Variants in RANBP2 observed in about 807,000 individuals in gnomAD.
The protein encoded by RANBP2 is E3 SUMO-protein ligase RanBP2.
RANBP2 carries 57 observed loss-of-function variants against 303.6 expected under a neutral mutation model. The observed-to-expected ratio is 0.19, with a 90% CI of 0.15 to 0.23. RANBP2 has a LOEUF of 0.23. Among genes scored for constraint, RANBP2 ranks in the 10% least tolerant of loss-of-function variants. The pLI is 1.00. For synonymous variants in RANBP2, 1,167 were observed against 1,301.5 expected (o/e 0.90, Z 2.23); for missense variants, 3,138 against 3,780.8 (o/e 0.83, Z 4.46).
At chr2:109,592,988 T>C in the RANBP2 span, 1 of 1,143,952 alleles carries the variant, frequency 8.7e-7, no homozygotes, top group Non-Finnish European at 1.2e-6. Flanking sequence ...CTCCAAGTAG[T>C]TATTTTAAAA....
chr2:109,249,538 TCCTTCCTTCCTTCC>T, the RANBP2 span, among the ~76,000 whole-genome samples: 1 of 112,244 alleles, frequency 8.9e-6, no homozygotes, highest in African/African-American at 3.8e-5. Flanking sequence ...TTTCTTTCCT[TCCTTCCTTCCTTCC>T]TTCCTTCCTT....
At chr2:109,525,491 C>T in the RANBP2 span, among the ~76,000 whole-genome samples, 5 of 152,200 alleles carry the variant, frequency 3.3e-5, no homozygotes, top group Non-Finnish European at 5.9e-5. Context: ...CCTGCACCCT[C>T]ACCAGCCGGA....
the RANBP2 span, among the ~76,000 whole-genome samples, chr2:108,806,515 G>A: frequency 1.3e-5 from 2 of 152,096 alleles, no homozygotes; most frequent in Non-Finnish European, 2.9e-5. Context: ...AGGTCAGCAC[G>A]CTTTTTCTGT....
the RANBP2 span, among the ~76,000 whole-genome samples, chr2:109,260,168 T>C: frequency 7.2e-5 from 11 of 152,272 alleles, no homozygotes; most frequent in East Asian, 1.5e-3. Flanking sequence ...CCCGAGACTT[T>C]CCTGGCGGCT....
At chr2:109,556,494 C>T in the RANBP2 span, among the ~76,000 whole-genome samples, 1 of 152,124 alleles carries the variant, frequency 6.6e-6, no homozygotes. Context: ...GAGTTTGAGG[C>T]ATGTACAGGA....
chr2:109,772,413 TAAAG>T, the RANBP2 span, among the ~76,000 whole-genome samples: 162 of 120,878 alleles, frequency 1.3e-3, 10 homozygotes, highest in African/African-American at 2.3e-3. Context: ...ATTGCAGTCT[TAAAG>T]GAAGGATAAG....
At chr2:109,384,478 C>T in the RANBP2 span, among the ~76,000 whole-genome samples, 1 of 151,822 alleles carries the variant, frequency 6.6e-6, no homozygotes, top group Admixed American at 6.6e-5. Context: ...GCCAGGGTGA[C>T]CAAGCAGGCA....
chr2:109,594,752 CACAT>C, the RANBP2 span: 1 of 152,366 alleles, frequency 6.6e-6, no homozygotes, highest in Admixed American at 6.5e-5. Context: ...CACACACACA[CACAT>C]ACACAGTGAA....
chr2:109,721,330 C>T, the RANBP2 span, among the ~76,000 whole-genome samples: 2 of 152,284 alleles, frequency 1.3e-5, no homozygotes, highest in Admixed American at 6.5e-5. Context: ...TTCCACACTG[C>T]GCCACAGGCT....
the RANBP2 span, among the ~76,000 whole-genome samples, chr2:108,914,800 C>T: frequency 7.2e-5 from 11 of 152,238 alleles, no homozygotes; most frequent in Non-Finnish European, 1.2e-4. Flanking sequence ...CAGCTGCCAT[C>T]CCCAAATCAA....
the RANBP2 span, among the ~76,000 whole-genome samples, chr2:109,214,088 G>A: frequency 6.6e-6 from 1 of 152,194 alleles, no homozygotes; most frequent in Non-Finnish European, 1.5e-5. Flanking sequence ...CGGCGAGGAG[G>A]AAGGGGTGTT....
At chr2:108,904,911 G>GT in the RANBP2 span, among the ~76,000 whole-genome samples, 19 of 152,288 alleles carry the variant, frequency 1.2e-4, no homozygotes, top group Middle Eastern at 3.4e-3. Context: ...TCAGTGTCCT[G>GT]GTTGTGACTT....
Position 108,753,813 on chromosome 2 carries a change from C to A in RANBP2, c.2056-12C>A. On this transcript the variant is annotated splice_polypyrimidine_tract_variant and intron_variant, in intron 14 of 28. Coordinates refer to ENST00000283195, the MANE Select transcript of RANBP2 (RefSeq NM_006267.5). ...AAAACCTAATGATTTCATAAAAGCA[C>A]TATTTGTATAGATTTTTCACAGGAA... 1 of 1,611,828 alleles carries A rather than the reference C, an allele frequency of 6.2e-7. No homozygotes were observed.
the RANBP2 span, among the ~76,000 whole-genome samples, chr2:109,314,245 C>G: frequency 1.3e-5 from 2 of 152,114 alleles, no homozygotes; most frequent in Non-Finnish European, 2.9e-5. Flanking sequence ...ATGCTGCCTG[C>G]TTGAGAAAGC....
intron 25 of RANBP2, among the ~76,000 whole-genome samples, chr2:108,779,854 C>G (rs1678121978): frequency 6.6e-6 from 1 of 152,158 alleles, no homozygotes; most frequent in Admixed American, 6.5e-5. Flanking sequence ...CTGCTTTCCA[C>G]CAGCCCAACC....
the RANBP2 span, among the ~76,000 whole-genome samples, chr2:109,393,896 C>CAAAAAACCTGCATACATTCAGTTT: frequency 6.2e-3 from 943 of 151,238 alleles, 10 homozygotes; most frequent in African/African-American, 0.022. Flanking sequence ...AAAAAAAAAA[C>CAAAAAACCTGCATACATTCAGTTT]AAAGTCTCCT....
chr2:109,646,528 G>A, the RANBP2 span, among the ~76,000 whole-genome samples: 3 of 151,340 alleles, frequency 2.0e-5, no homozygotes, highest in Non-Finnish European at 4.4e-5. Flanking sequence ...GTCTTGCTCT[G>A]TCGCCCAGGC....
chr2:109,131,619 C>T, the RANBP2 span, among the ~76,000 whole-genome samples: 2 of 152,138 alleles, frequency 1.3e-5, no homozygotes, highest in African/African-American at 4.8e-5. Context: ...TAGGAGGTAA[C>T]CTCTGACATG....
the RANBP2 span, among the ~76,000 whole-genome samples, chr2:109,622,384 T>C: frequency 2.0e-5 from 3 of 152,220 alleles, no homozygotes; most frequent in South Asian, 6.2e-4. Flanking sequence ...TAGCACCTAA[T>C]GAAGTACAAA....
Sources: allele counts gnomAD v4.1 joint callset (sites outside exome capture counted in the v4.1 genomes callset), GRCh38; gene constraint gnomAD v4.1.1; transcripts MANE v1.5; gene names NCBI Gene and HGNC (gene_info 2026-07-23, HGNC 2026-07-21).